LMF1: variants seen among roughly 807,000 people sequenced by gnomAD.
The protein encoded by LMF1 is transmembrane protein 112.
LMF1 carries 68 observed loss-of-function variants against 60.6 expected under a neutral mutation model. That is an observed-to-expected ratio of 1.12 (90% CI 0.92 to 1.37). The LOEUF (loss-of-function observed/expected upper bound fraction) is 1.37. Ranked by LOEUF, LMF1 falls within the 40% of genes most tolerant of loss-of-function variation. LMF1 has a pLI of 0.00. For missense variants in LMF1, 948 were observed against 767.2 expected (o/e 1.24, Z -2.78); for synonymous variants, 418 against 324.7 (o/e 1.29, Z -3.09).
At chr16:953,105 A>ACACC (rs573047227) in intron 2 of LMF1, among the ~76,000 whole-genome samples, 2 of 81,374 alleles carry the variant, frequency 2.5e-5, no homozygotes, top group African/African-American at 5.6e-5. Context: ...GTCCACACAG[A>ACACC]CACCCCAAAC....
intron 10 of LMF1, chr16:854,925 G>A: frequency 1.7e-6 from 1 of 599,194 alleles, no homozygotes; most frequent in East Asian, 2.8e-5. Flanking sequence ...GCAGCAAGGG[G>A]GAAGGGCGGA....
chr16:978,382 C>T (rs575699986), intron 1 of LMF1, among the ~76,000 whole-genome samples: 4 of 152,128 alleles, frequency 2.6e-5, no homozygotes, highest in South Asian at 4.1e-4. Flanking sequence ...CACGCGCCTC[C>T]GGGGTCGCCA....
chr16:945,725 G>T (rs1240640678), intron 2 of LMF1, among the ~76,000 whole-genome samples: 5 of 152,214 alleles, frequency 3.3e-5, no homozygotes, highest in Non-Finnish European at 5.9e-5. Flanking sequence ...AAACGGTCAG[G>T]AATCTATTTG....
At chr16:865,014 CTTT>C (rs1193200878) in intron 10 of LMF1, among the ~76,000 whole-genome samples, 2 of 151,132 alleles carry the variant, frequency 1.3e-5, no homozygotes, top group Non-Finnish European at 2.9e-5. Context: ...TTTCTGATTT[CTTT>C]GTTTTTCCCA....
intron 5 of LMF1, 108 bp downstream of exon 5, chr16:892,899 C>A: frequency 2.4e-6 from 2 of 837,638 alleles, no homozygotes; most frequent in Admixed American, 2.7e-5. Context: ...GGGGGTGACC[C>A]TGTGATGCGA....
upstream of LMF1, among the ~76,000 whole-genome samples, chr16:971,934 TTTTTTG>T (rs958065303): frequency 2.0e-5 from 3 of 152,206 alleles, no homozygotes; most frequent in African/African-American, 7.2e-5. Context: ...TTTGTCCTGG[TTTTTTG>T]TTTTTGTTTT....
intron 5 of LMF1, among the ~76,000 whole-genome samples, chr16:884,379 T>C (rs1175595668): frequency 5.9e-5 from 9 of 152,196 alleles, no homozygotes; most frequent in Non-Finnish European, 1.3e-4. Context: ...TCACAGGAAA[T>C]AATGCAAATG....
chr16:944,982 G>C (rs1242306917), intron 2 of LMF1, among the ~76,000 whole-genome samples: 1 of 152,018 alleles, frequency 6.6e-6, no homozygotes, highest in Non-Finnish European at 1.5e-5. Flanking sequence ...GGGAGGCCAA[G>C]GCGGGTGGAT....
intron 1 of LMF1, chr16:979,882 G>C (rs938165101): frequency 5.0e-6 from 2 of 402,132 alleles, no homozygotes; most frequent in East Asian, 7.3e-5. Flanking sequence ...TGAGTTCCGC[G>C]GGCGCCCCAG....
rs879876443 is a variant in LMF1 at position 862,253 on chromosome 16, G to A, written c.1529+6691C>T. Among the ~76,000 whole-genome samples, 40 of 150,550 alleles carry A rather than the reference G, an allele frequency of 2.7e-4. No individual in the cohort carries two copies. In the Middle Eastern group the frequency reaches 0.014, roughly 51 times the overall value. On this transcript the variant is annotated intron_variant, in intron 10 of 10. Transcript: ENST00000262301. ...TGCAGTGGCACCATCTCTGCTTACTGCAACCTCCACCTGCCGAGTAGTTGG... is the reference window on the plus strand; with the variant it reads ...TGCAGTGGCACCATCTCTGCTTACTACAACCTCCACCTGCCGAGTAGTTGG...
At chr16:963,934 TCAAAA>T (rs2072868919) in intron 1 of LMF1, 20 of 411,062 alleles carry the variant, frequency 4.9e-5, no homozygotes, top group South Asian at 3.3e-4. Flanking sequence ...TCACAGGCTC[TCAAAA>T]CAAAACTAAC....
At chr16:887,899 C>T (rs941803329) in intron 5 of LMF1, among the ~76,000 whole-genome samples, 1 of 152,220 alleles carries the variant, frequency 6.6e-6, no homozygotes. Context: ...GGCTGCCGGC[C>T]ACAGGCTGGG....
intron 5 of LMF1, among the ~76,000 whole-genome samples, chr16:884,772 C>G (rs2070258656): frequency 6.8e-6 from 1 of 147,116 alleles, no homozygotes; most frequent in South Asian, 2.2e-4. Flanking sequence ...GTGAAGAGCT[C>G]TGGAAATGGT....
Position 874,140 on chromosome 16 carries a change from GCCC to G in LMF1, c.898-2802_898-2800del, listed in dbSNP as rs2069897107. Among the ~76,000 whole-genome samples, 3 of 152,314 alleles carry G rather than the reference GCCC, an allele frequency of 2.0e-5. 1 individual carries two copies. Among genetic ancestry groups the G allele is most frequent in the African/African-American group, 7.2e-5 (3 of 41,566 alleles). On this transcript the variant is annotated intron_variant, in intron 6 of 10. Transcript: ENST00000262301. This position sits in a 1 kb window ranked among gnomAD's most constrained non-coding sequence, Gnocchi z 4.1. ...GCATCACGCTGTGAACGTGCTGGAG[GCCC>G]CCGAGTTCACTTCAAAAGCATGAAC...
chr16:973,003 G>C (rs541685666), upstream of LMF1, among the ~76,000 whole-genome samples: 1 of 152,176 alleles, frequency 6.6e-6, no homozygotes, highest in Non-Finnish European at 1.5e-5. Context: ...AGCTCTGGTC[G>C]TGCCCATTTC....
rs757628838 is a variant in LMF1 at position 869,929 on chromosome 16, G to C, written c.1370C>G (p.Pro457Arg). ...DPSRRPCLIS[P>R]YHYRLDWLMW... ...CAGCCAGTCCAGGCGGTAGTGGTAC[G>C]GGGAGATGAGGCAGGGCCGTCTGCT... is the stretch of plus-strand genomic sequence containing the variant. The change falls in exon 9 of 11, where the codon CCG becomes CGG. Residue 457 changes from proline (P) to arginine (R), a missense_variant. Transcript: ENST00000262301. The C allele has an allele frequency of 6.2e-7, 1 of 1,613,230 alleles. No homozygotes were observed. The highest frequency in any genetic ancestry group is 8.5e-7 in the Non-Finnish European group (1 of 1,179,840).
chr16:909,837 A>G (rs972458593), intron 4 of LMF1, among the ~76,000 whole-genome samples: 33 of 152,300 alleles, frequency 2.2e-4, no homozygotes, highest in Middle Eastern at 6.8e-3. Flanking sequence ...AGAGAAGAGG[A>G]ACGTTCCGGA....
At chr16:979,048 G>C (rs1567351691) in intron 1 of LMF1, 1 of 454,052 alleles carries the variant, frequency 2.2e-6, no homozygotes, top group Non-Finnish European at 4.4e-6. Flanking sequence ...CCCTCCACAA[G>C]GCCAGCGTCT....
chr16:934,142 G>T (rs1173535520), intron 3 of LMF1, 102 bp downstream of exon 3: 1 of 1,589,046 alleles, frequency 6.3e-7, no homozygotes, highest in Non-Finnish European at 8.5e-7. Flanking sequence ...GCTGATGGCA[G>T]AGGCTAAGGA....
Sources: allele counts gnomAD v4.1 joint callset (sites outside exome capture counted in the v4.1 genomes callset), GRCh38; gene constraint gnomAD v4.1.1; non-coding constraint Gnocchi (gnomAD v3.1); transcripts MANE v1.5; gene names NCBI Gene and HGNC (gene_info 2026-07-23, HGNC 2026-07-21).